Variants in GNAQ observed in about 807,000 individuals in gnomAD.
The protein encoded by GNAQ is G protein subunit alpha q, also known as guanine nucleotide-binding protein G(q) subunit alpha.
In GNAQ, 8 loss-of-function variants were observed where a neutral mutation model predicts 43.9. The ratio of observed to expected loss-of-function variants is 0.18; its 90% CI spans 0.11 to 0.33. The LOEUF is 0.33. Among genes scored for constraint, GNAQ ranks in the 10% least tolerant of loss-of-function variants. The pLI is 1.00. For synonymous variants in GNAQ, 155 were observed against 170.7 expected (o/e 0.91, Z 0.71); for missense variants, 158 against 450.8 (o/e 0.35, Z 5.88).
chr9:77,750,436 T>C (rs1209693272), intron 5 of GNAQ, among the ~76,000 whole-genome samples: 1 of 152,192 alleles, frequency 6.6e-6, no homozygotes, highest in Admixed American at 6.5e-5. Context: ...AAGAGGTTTT[T>C]GTGATAATAT....
At chr9:77,991,271 C>A (rs1352087724) in intron 1 of GNAQ, among the ~76,000 whole-genome samples, 1 of 152,170 alleles carries the variant, frequency 6.6e-6, no homozygotes, top group Non-Finnish European at 1.5e-5. Flanking sequence ...CCAACACTAT[C>A]AGTTGGCCTT....
chr9:77,930,246 G>C (rs761044668), intron 1 of GNAQ, among the ~76,000 whole-genome samples: 28 of 152,152 alleles, frequency 1.8e-4, no homozygotes, highest in Non-Finnish European at 3.4e-4. Flanking sequence ...AAATTTGAGA[G>C]ACTGAACTAA....
chr9:77,867,710 C>T (rs1352779555), intron 2 of GNAQ, among the ~76,000 whole-genome samples: 1 of 152,174 alleles, frequency 6.6e-6, no homozygotes, highest in Non-Finnish European at 1.5e-5. Flanking sequence ...CATGCAAGTA[C>T]ATATGTGCAG....
chr9:77,774,451 T>TA (rs1826276253), intron 5 of GNAQ, among the ~76,000 whole-genome samples: 1 of 152,104 alleles, frequency 6.6e-6, no homozygotes, highest in African/African-American at 2.4e-5. Flanking sequence ...AAATGCCTTT[T>TA]AAAAAAATAA....
intron 3 of GNAQ, among the ~76,000 whole-genome samples, chr9:77,801,461 A>G (rs898259109): frequency 2.0e-5 from 3 of 152,222 alleles, no homozygotes; most frequent in Admixed American, 1.3e-4. Context: ...CTGTCTGTTC[A>G]TTGCCCAGGT....
chr9:77,967,367 C>T (rs911437273), intron 1 of GNAQ, among the ~76,000 whole-genome samples: 5 of 152,176 alleles, frequency 3.3e-5, no homozygotes, highest in South Asian at 4.1e-4. Context: ...TAGAATCAGC[C>T]CCTCTTCATC....
chr9:77,808,863 C>CT (rs1353596440), intron 3 of GNAQ, among the ~76,000 whole-genome samples: 2 of 148,546 alleles, frequency 1.3e-5, no homozygotes, highest in Non-Finnish European at 2.9e-5. Context: ...TAGGCTTAAA[C>CT]TTAAAAAAAA....
At chr9:77,839,429 G>C (rs1827446540) in intron 2 of GNAQ, among the ~76,000 whole-genome samples, 1 of 152,210 alleles carries the variant, frequency 6.6e-6, no homozygotes, top group African/African-American at 2.4e-5. Flanking sequence ...GGAATCCAAA[G>C]TCCTGGGCTA....
At chr9:77,974,227 G>A (rs1291489490) in intron 1 of GNAQ, among the ~76,000 whole-genome samples, 1 of 152,040 alleles carries the variant, frequency 6.6e-6, no homozygotes, top group Non-Finnish European at 1.5e-5. Flanking sequence ...CTGGGGCTGA[G>A]CTTTCAATTT....
chr9:77,763,137 C>A (rs906931219), intron 5 of GNAQ, among the ~76,000 whole-genome samples: 5 of 126,416 alleles, frequency 4.0e-5, no homozygotes, highest in African/African-American at 6.5e-5. Flanking sequence ...AACAAACAAA[C>A]AAACAAAAAA....
chr9:77,853,462 C>T (rs1827702653), intron 2 of GNAQ, among the ~76,000 whole-genome samples: 1 of 151,978 alleles, frequency 6.6e-6, no homozygotes, highest in African/African-American at 2.4e-5. Context: ...GGATTCTGAC[C>T]TCAGTAAGTA....
At chr9:77,955,429 C>T (rs1331558695) in intron 1 of GNAQ, among the ~76,000 whole-genome samples, 3 of 152,226 alleles carry the variant, frequency 2.0e-5, no homozygotes, top group African/African-American at 7.2e-5. Context: ...GCGTGAGCCA[C>T]TGCGCCGAGC....
intron 3 of GNAQ, among the ~76,000 whole-genome samples, chr9:77,806,583 G>C (rs186073579): frequency 3.3e-5 from 5 of 152,352 alleles, no homozygotes; most frequent in Admixed American, 2.0e-4. Flanking sequence ...AGATGATTAT[G>C]AACTGTAGTC....
chr9:77,992,255 GAACCATGC>G (rs1221410048), intron 1 of GNAQ, among the ~76,000 whole-genome samples: 1 of 152,100 alleles, frequency 6.6e-6, no homozygotes, highest in Non-Finnish European at 1.5e-5. Context: ...CCTGTAAATG[GAACCATGC>G]AAGAAACATT....
At chr9:77,813,636 G>A (rs1826963504) in intron 3 of GNAQ, among the ~76,000 whole-genome samples, 1 of 152,136 alleles carries the variant, frequency 6.6e-6, no homozygotes, top group Non-Finnish European at 1.5e-5. Flanking sequence ...GGTGCAAAGA[G>A]GACTCTCTCA....
chr9:77,990,373 T>C (rs897981392), intron 1 of GNAQ, among the ~76,000 whole-genome samples: 4 of 152,160 alleles, frequency 2.6e-5, no homozygotes, highest in African/African-American at 9.6e-5. Context: ...GAGCATGCCA[T>C]TATGGCCCAT....
chr9:77,882,572 G>GGA, intron 2 of GNAQ, among the ~76,000 whole-genome samples: 1 of 152,246 alleles, frequency 6.6e-6, no homozygotes, highest in African/African-American at 2.4e-5. Context: ...ATATACAATG[G>GGA]GAAAGTCCAC....
intron 5 of GNAQ, among the ~76,000 whole-genome samples, chr9:77,791,563 T>C (rs888778898): frequency 2.0e-5 from 3 of 152,150 alleles, no homozygotes; most frequent in African/African-American, 7.2e-5. Context: ...ATAATGTATT[T>C]CCTTCTTTGA....
chr9:77,885,800 CAAA>C (rs77113247), intron 2 of GNAQ, among the ~76,000 whole-genome samples: 1 of 123,316 alleles, frequency 8.1e-6, no homozygotes. Flanking sequence ...GAACAAGGAC[CAAA>C]AAAAAAAAAA....
Sources: allele counts gnomAD v4.1 joint callset (sites outside exome capture counted in the v4.1 genomes callset), GRCh38; gene constraint gnomAD v4.1.1; transcripts MANE v1.5; gene names NCBI Gene and HGNC (gene_info 2026-07-23, HGNC 2026-07-21).